The following AK7 variants were observed in gnomAD, a reference collection of about 807,000 sequenced individuals.
The protein encoded by AK7 is adenylate kinase 7.
In AK7, 78 loss-of-function variants were observed where a neutral mutation model predicts 96.6. That is an observed-to-expected ratio of 0.81 (90% CI 0.67 to 0.97). The LOEUF is 0.97. AK7 is among the 50% of genes least tolerant of loss of function. The probability of loss-of-function intolerance (pLI) is 0.00; values close to 1 mark genes in which losing one functional copy is unlikely to be tolerated. For missense variants in AK7, 855 were observed against 887.9 expected (o/e 0.96, Z 0.47); for synonymous variants, 302 against 317.2 (o/e 0.95, Z 0.51).
rs561586064 is a variant in AK7, at chr14:96,394,709, C to T, written c.105+2450C>T. ...TACAGATACAGGCTGGGCACAGTGG[C>T]TCATGCCTGTAATCCCAGCAATTTG... On this transcript the variant is annotated intron_variant, in intron 1 of 17. Transcript: ENST00000267584. Among the ~76,000 whole-genome samples, 21 of 152,322 alleles carry T rather than the reference C, an allele frequency of 1.4e-4. No homozygotes were observed. The South Asian group carries it at 3.3e-3, about 24-fold the overall frequency.
At chr14:96,482,353 T>C (rs960025527) in intron 15 of AK7, among the ~76,000 whole-genome samples, 1 of 152,222 alleles carries the variant, frequency 6.6e-6, no homozygotes, top group East Asian at 1.9e-4. Flanking sequence ...AGTACCAAAA[T>C]GTGTCTGCTG....
intron 5 of AK7, among the ~76,000 whole-genome samples, chr14:96,426,833 T>A (rs1892055519): frequency 6.6e-6 from 1 of 152,232 alleles, no homozygotes; most frequent in Admixed American, 6.5e-5. Flanking sequence ...GCTTTTTGGA[T>A]CCTTTTTTAA....
At chr14:96,467,860 T>C (rs1033282361) in intron 12 of AK7, among the ~76,000 whole-genome samples, 1 of 152,160 alleles carries the variant, frequency 6.6e-6, no homozygotes, top group Non-Finnish European at 1.5e-5. Flanking sequence ...TGGATAATTC[T>C]AGTTCTGAGG....
intron 1 of AK7, among the ~76,000 whole-genome samples, chr14:96,395,131 C>T (rs543158672): frequency 6.6e-6 from 1 of 152,286 alleles, no homozygotes; most frequent in Admixed American, 6.5e-5. Flanking sequence ...TCCTGAGTAG[C>T]TGGGACTGCA....
At chr14:96,454,418 A>G (rs1204046162) in intron 10 of AK7, among the ~76,000 whole-genome samples, 1 of 152,066 alleles carries the variant, frequency 6.6e-6, no homozygotes, top group Non-Finnish European at 1.5e-5. Flanking sequence ...CATTCAATCA[A>G]GTTTATCAGC....
At chr14:96,450,139 G>A (rs74245043) in intron 9 of AK7, among the ~76,000 whole-genome samples, 33,897 of 151,868 alleles carry the variant, frequency 0.22, 4,724 homozygotes, top group Non-Finnish European at 0.3. Flanking sequence ...TATTTGGGCC[G>A]GGCGCGGTGA....
chr14:96,430,431 G>A (rs1394090839), intron 5 of AK7, among the ~76,000 whole-genome samples: 10 of 151,916 alleles, frequency 6.6e-5, no homozygotes, highest in South Asian at 4.2e-4. Flanking sequence ...CTCGTGATCC[G>A]CCCACCTCTG....
intron 8 of AK7, 51 bp downstream of exon 8, chr14:96,446,658 T>C: frequency 6.4e-7 from 1 of 1,561,730 alleles, no homozygotes; most frequent in Non-Finnish European, 8.8e-7. Flanking sequence ...ATAGTTTTGC[T>C]GGCTGGGCGC....
At chr14:96,433,650 C>T (rs1226563951) in intron 5 of AK7, among the ~76,000 whole-genome samples, 1 of 152,058 alleles carries the variant, frequency 6.6e-6, no homozygotes, top group Non-Finnish European at 1.5e-5. Context: ...TTGTTATTAC[C>T]GACCTTCTGA....
chr14:96,419,784 CT>C (rs11449244), intron 4 of AK7, among the ~76,000 whole-genome samples: 6 of 101,714 alleles, frequency 5.9e-5, no homozygotes, highest in East Asian at 2.9e-4. Context: ...TTTTTTCTTT[CT>C]TTTCTTTTTT....
chr14:96,429,813 G>C (rs1892243458), intron 5 of AK7, among the ~76,000 whole-genome samples: 1 of 152,026 alleles, frequency 6.6e-6, no homozygotes, highest in African/African-American at 2.4e-5. Context: ...CATTGATTTT[G>C]TATCCTGAGA....
chr14:96,486,613 C>G (rs893427550), intron 16 of AK7, among the ~76,000 whole-genome samples: 7 of 151,754 alleles, frequency 4.6e-5, no homozygotes, highest in Non-Finnish European at 1.0e-4. Flanking sequence ...ATCCCAATGC[C>G]CTCCAGACTT....
chr14:96,451,968 C>G (rs902293249), intron 10 of AK7, among the ~76,000 whole-genome samples: 2 of 152,244 alleles, frequency 1.3e-5, no homozygotes, highest in East Asian at 1.9e-4. Context: ...TATCAACTGC[C>G]TTACTGGCTG....
intron 11 of AK7, chr14:96,456,680 T>A: frequency 2.3e-6 from 1 of 440,242 alleles, no homozygotes; most frequent in Non-Finnish European, 4.0e-6. Flanking sequence ...GTGTTGACCT[T>A]GGCCACACTG....
At chr14:96,445,646 C>G (rs1190806789) in intron 7 of AK7, among the ~76,000 whole-genome samples, 2 of 148,550 alleles carry the variant, frequency 1.3e-5, no homozygotes, top group Non-Finnish European at 3.0e-5. Flanking sequence ...GGCAACAGAG[C>G]GAGACTCAAA....
rs774351340 is a variant in AK7, at chr14:96,458,139, A to G, written c.1284A>G (p.Glu428=). 1.2e-6 allele frequency: 2 copies of G among 1,613,996 alleles called. No homozygotes were observed. Among genetic ancestry groups the G allele is most frequent in the Non-Finnish European group, 1.7e-6 (2 of 1,179,946 alleles). The change falls in exon 12 of 18, where the codon GAA becomes GAG. Residue 428 remains glutamate, a synonymous_variant. Coordinates refer to ENST00000267584, the MANE Select transcript of AK7 (RefSeq NM_152327.5). ...AAGGAGAAGAAGAAGTCGAAGAGGAAGAGGAGGAGGAGAATGTGGAAGATG... is the reference window on the plus strand; with the variant it reads ...AAGGAGAAGAAGAAGTCGAAGAGGAGGAGGAGGAGGAGAATGTGGAAGATG... ...VGEGEEEVEE[E]EEEENVEDAQ...
chr14:96,450,920 G>T (rs1300522999), intron 9 of AK7, among the ~76,000 whole-genome samples: 1 of 151,706 alleles, frequency 6.6e-6, no homozygotes, highest in African/African-American at 2.4e-5. Context: ...GACTACGGGC[G>T]CCTGCCACCA....
At chr14:96,423,563 C>T (rs7152458) in intron 5 of AK7, 101,780 of 484,242 alleles carry the variant, frequency 0.21, 11,937 homozygotes, top group East Asian at 0.51. Context: ...CACCCTAAGC[C>T]ACCATCTCAG....
chr14:96,463,714 T>C (rs1483535039), intron 12 of AK7, among the ~76,000 whole-genome samples: 11 of 97,492 alleles, frequency 1.1e-4, no homozygotes, highest in Non-Finnish European at 1.9e-5. Flanking sequence ...AGCAATACTC[T>C]GTCTCAAAAA....
Sources: gnomAD v4.1 joint callset for allele counts (sites outside exome capture counted in the v4.1 genomes callset) on GRCh38, gnomAD v4.1.1 for gene constraint, MANE v1.5 for transcripts, NCBI Gene and HGNC (gene_info 2026-07-23, HGNC 2026-07-21) for gene names.